The following LARGE1 variants were observed in gnomAD, a reference collection of about 807,000 sequenced individuals.
The protein encoded by LARGE1 is LARGE xylosyl- and glucuronyltransferase 1.
A neutral mutation model predicts 87.6 loss-of-function variants in LARGE1; 43 were observed. That is an observed-to-expected ratio of 0.49 (90% CI 0.38 to 0.63). The LOEUF (loss-of-function observed/expected upper bound fraction) is 0.63, where lower values mean the gene tolerates loss of function less well. LARGE1 is among the 30% of genes least tolerant of loss of function. The probability of loss-of-function intolerance (pLI) is 0.00; values close to 1 mark genes in which losing one functional copy is unlikely to be tolerated. For synonymous variants in LARGE1, 434 were observed against 394.6 expected, an observed-to-expected ratio of 1.10 and a Z score of -1.18; for missense variants, 802 against 1,000.2, an observed-to-expected ratio of 0.80 and a Z score of 2.67.
At chr22:33,464,733 T>C (rs560198017) in intron 6 of LARGE1, among the ~76,000 whole-genome samples, 107 of 152,116 alleles carry the variant, frequency 7.0e-4, no homozygotes, top group Non-Finnish European at 1.3e-3. Context: ...TGGGTGGCAA[T>C]AAGAACTCTT....
the LARGE1 span, among the ~76,000 whole-genome samples, chr22:33,121,699 C>T: frequency 4.6e-5 from 7 of 152,190 alleles, no homozygotes; most frequent in African/African-American, 1.7e-4. Flanking sequence ...CTGTATTAGT[C>T]TGTTCTTACA....
intron 2 of LARGE1, among the ~76,000 whole-genome samples, chr22:33,694,675 C>G (rs1437649682): frequency 6.6e-6 from 1 of 152,016 alleles, no homozygotes; most frequent in Non-Finnish European, 1.5e-5. Context: ...GGTAAATTCA[C>G]ATACACATAC....
chr22:33,448,216 A>G (rs1294075680), intron 6 of LARGE1, among the ~76,000 whole-genome samples: 1 of 152,082 alleles, frequency 6.6e-6, no homozygotes, highest in Non-Finnish European at 1.5e-5. Context: ...ATGCCACTGG[A>G]TTGCACCCTT....
chr22:33,300,521 A>G (rs1212402885), intron 12 of LARGE1, among the ~76,000 whole-genome samples: 3 of 152,124 alleles, frequency 2.0e-5, no homozygotes, highest in Admixed American at 6.5e-5. Flanking sequence ...AACAACAGGC[A>G]TGTTCCACAA....
chr22:33,572,745 C>CA (rs2078243037), intron 5 of LARGE1, among the ~76,000 whole-genome samples: 2 of 152,202 alleles, frequency 1.3e-5, no homozygotes, highest in African/African-American at 4.8e-5. Context: ...TGGCGCATGC[C>CA]TGTAATCCCA....
Position 33,395,286 on chromosome 22 carries a change from T to A in LARGE1, c.893-10982A>T, listed in dbSNP as rs541943126. Among the ~76,000 whole-genome samples the A allele has an allele frequency of 1.5e-4, 22 of 146,520 alleles. No individual in the cohort carries two copies. In the South Asian group the frequency reaches 4.8e-3, roughly 32 times the overall value. On this transcript the variant is annotated intron_variant, in intron 7 of 14. Transcript: ENST00000397394. ...GGGCTTCCCTGAGGACAGTCCTGTA[T>A]GAAAAGGAAGCTGTAGGCCTAGGGT...
chr22:33,156,318 T>C, the LARGE1 span, among the ~76,000 whole-genome samples: 2 of 152,106 alleles, frequency 1.3e-5, no homozygotes, highest in African/African-American at 4.8e-5. Context: ...TGAAAGCAGC[T>C]GGTGGGGCAG....
intron 5 of LARGE1, among the ~76,000 whole-genome samples, chr22:33,571,226 G>C (rs1245294454): frequency 2.0e-5 from 3 of 152,118 alleles, no homozygotes; most frequent in African/African-American, 7.2e-5. Context: ...AGGTTTTAAG[G>C]GTTTTATGTA....
At chr22:33,318,170 G>A (rs755527433) in intron 10 of LARGE1, among the ~76,000 whole-genome samples, 1 of 150,914 alleles carries the variant, frequency 6.6e-6, no homozygotes, top group African/African-American at 2.5e-5. Flanking sequence ...AGGGGGCAGA[G>A]GTTGCAGTGA....
chr22:33,885,990 G>A (rs1234757002), intron 1 of LARGE1, among the ~76,000 whole-genome samples: 4 of 151,958 alleles, frequency 2.6e-5, no homozygotes, highest in Non-Finnish European at 5.9e-5. Context: ...AGATCATGCC[G>A]TGGCACTGCA....
intron 2 of LARGE1, among the ~76,000 whole-genome samples, chr22:33,667,209 G>C (rs1280987402): frequency 6.6e-6 from 1 of 152,232 alleles, no homozygotes; most frequent in Non-Finnish European, 1.5e-5. Context: ...TCTCCAGAAA[G>C]AAGGCTTCCA....
the LARGE1 span, among the ~76,000 whole-genome samples, chr22:33,113,824 A>G: frequency 6.6e-6 from 1 of 151,862 alleles, no homozygotes; most frequent in Non-Finnish European, 1.5e-5. Flanking sequence ...TCTTTGGGCA[A>G]GCCATATAGC....
chr22:33,487,832 C>A (rs892436518), intron 6 of LARGE1, among the ~76,000 whole-genome samples: 1 of 152,194 alleles, frequency 6.6e-6, no homozygotes, highest in African/African-American at 2.4e-5. Flanking sequence ...CTCTGAGCTT[C>A]TGTTTCCCTA....
chr22:33,627,992 C>A (rs1396203103), intron 3 of LARGE1, among the ~76,000 whole-genome samples: 4 of 152,162 alleles, frequency 2.6e-5, no homozygotes, highest in African/African-American at 4.8e-5. Flanking sequence ...ACCATCACCC[C>A]ACTCTGCTCT....
At chr22:33,919,070 C>T (rs1230205481) in intron 1 of LARGE1, among the ~76,000 whole-genome samples, 1 of 149,084 alleles carries the variant, frequency 6.7e-6, no homozygotes, top group East Asian at 2.0e-4. Flanking sequence ...TCAGCAGAAA[C>T]CTGCTCAACC....
chr22:33,249,979 A>G (rs1926940207), intron 11 of LARGE1, among the ~76,000 whole-genome samples: 1 of 152,100 alleles, frequency 6.6e-6, no homozygotes, highest in Non-Finnish European at 1.5e-5. Flanking sequence ...CAGTCTTCCA[A>G]CTTCATTTTT....
intron 9 of LARGE1, among the ~76,000 whole-genome samples, chr22:33,359,676 G>C (rs1298860231): frequency 6.8e-6 from 1 of 146,796 alleles, no homozygotes; most frequent in Admixed American, 7.0e-5. Flanking sequence ...CCATTCTCCT[G>C]CCTCAGCTTC....
At chr22:33,606,049 G>A (rs1183157422) in intron 4 of LARGE1, among the ~76,000 whole-genome samples, 2 of 152,182 alleles carry the variant, frequency 1.3e-5, no homozygotes, top group Non-Finnish European at 2.9e-5. Flanking sequence ...CGGGGGCGGA[G>A]GGGCTTAGTA....
At chr22:33,878,280 G>A (rs890194292) in intron 1 of LARGE1, among the ~76,000 whole-genome samples, 9 of 149,834 alleles carry the variant, frequency 6.0e-5, no homozygotes, top group Admixed American at 1.3e-4. Context: ...TGGGACTATA[G>A]GCACCCGCCA....
Sources: gnomAD v4.1 joint callset for allele counts (sites outside exome capture counted in the v4.1 genomes callset) on GRCh38, gnomAD v4.1.1 for gene constraint, MANE v1.5 for transcripts, NCBI Gene and HGNC (gene_info 2026-07-23, HGNC 2026-07-21) for gene names.